Variants in TNC observed in about 807,000 individuals in gnomAD.
TNC encodes the protein tenascin.
TNC carries 109 observed loss-of-function variants against 202.4 expected under a neutral mutation model. The observed-to-expected ratio is 0.54, with a 90% confidence interval of 0.46 to 0.63. TNC has a LOEUF of 0.63. Among genes scored for constraint, TNC ranks in the 30% least tolerant of loss-of-function variants. The pLI is 0.00. For synonymous variants in TNC, 1,007 were observed against 1,089.7 expected (o/e 0.92, Z 1.50); for missense variants, 2,756 against 2,833.3 (o/e 0.97, Z 0.62).
chr9:115,090,198 A>G (rs1451368849), intron 2 of TNC, among the ~76,000 whole-genome samples: 1 of 152,156 alleles, frequency 6.6e-6, no homozygotes, highest in African/African-American at 2.4e-5. Context: ...TACCTATCAG[A>G]GAGTGCTCTC....
In TNC at chr9:115,086,292, C is replaced by T; in HGVS notation, c.1439G>A (p.Cys480Tyr). Residue 480 changes from cysteine to tyrosine, a missense_variant, in exon 3 of 28, where the codon TGT (cysteine) becomes TAT (tyrosine). Cys to Tyr is a radical substitution (Grantham distance 194). Coordinates refer to ENST00000350763, the MANE Select transcript of TNC (RefSeq NM_002160.4). ...CPNDCHQHGR[C>Y]VNGMCVCDDG... is the part of the protein sequence containing the mutation. Reference sequence around the variant, plus strand: ...ATCACAAACACACATGCCATTCACACAGCGGCCGTGCTGGTGACAGTCATT... The same window carrying T: ...ATCACAAACACACATGCCATTCACATAGCGGCCGTGCTGGTGACAGTCATT... The T allele has an allele frequency of 6.2e-7, 1 of 1,614,218 alleles. No homozygotes were observed. Among genetic ancestry groups the T allele is most frequent in the African/African-American group, 1.3e-5 (1 of 75,050 alleles).
At chr9:115,111,609 G>A (rs1417570377) in intron 1 of TNC, among the ~76,000 whole-genome samples, 2 of 151,558 alleles carry the variant, frequency 1.3e-5, no homozygotes, top group African/African-American at 4.8e-5. Flanking sequence ...CGGGGTTTCA[G>A]CATATTGGCC....
rs560876611 is a variant in TNC, at chr9:115,036,441, T to C, written c.5513-200A>G. Reference sequence around the variant, plus strand: ...CCTCATACGTAAAGGATTTCTCATATGGAGACTTAATTTTTCCAGGCCCCA... The same window carrying C: ...CCTCATACGTAAAGGATTTCTCATACGGAGACTTAATTTTTCCAGGCCCCA... On this transcript the variant is annotated intron_variant, in intron 20 of 27. Transcript: ENST00000350763. Among the ~76,000 whole-genome samples, 5 of 152,298 alleles carry C rather than the reference T, an allele frequency of 3.3e-5. No individual in the cohort carries two copies. In the East Asian group the frequency reaches 7.7e-4, roughly 24 times the overall value.
Position 115,024,042 on chromosome 9 carries a change from C to A in TNC, c.6426G>T (p.Gly2142=). 6.2e-7 allele frequency: 1 copy of A among 1,614,078 alleles called. No individual in the cohort carries two copies. The highest frequency in any genetic ancestry group is 2.2e-5 in the East Asian group (1 of 44,886). ...GGTGACAGTTCCTGTACCAGAAAGC[C>A]CCTTTGTAGGACAGAGCACAGTTGG... ...AITNCALSYK[G]AFWYRNCHRV... Residue 2142 remains glycine, a synonymous_variant, in exon 27 of 28, where the codon GGG becomes GGT. Coordinates refer to ENST00000350763, the MANE Select transcript of TNC (RefSeq NM_002160.4).
rs1485743580 is a variant in TNC at position 115,041,008 on chromosome 9, G to T, written c.5325C>A (p.Tyr1775Ter). ...CCTTCATGGCGATGATGCTGACAAGGTACTCCACGCCAGGTATGAGTTTCA... is the reference window on the plus strand; with the variant it reads ...CCTTCATGGCGATGATGCTGACAAGTTACTCCACGCCAGGTATGAGTTTCA... ...RLVKLIPGVEYLVSIIAMKGF... is the reference protein window; with the variant it reads ...RLVKLIPGVE Residue 1775 changes from tyrosine (Y) to a stop codon, truncating the protein, a stop_gained, in exon 19 of 28, where the codon TAC becomes TAA. Coordinates refer to ENST00000350763, the MANE Select transcript of TNC (RefSeq NM_002160.4). LOFTEE classifies it high-confidence loss of function. The T allele has an allele frequency of 6.2e-7, 1 of 1,613,886 alleles. No homozygotes were observed. The highest frequency in any genetic ancestry group is 8.5e-7 in the Non-Finnish European group (1 of 1,180,010).
chr9:115,090,932 G>A lies in TNC; in HGVS notation c.87C>T (p.Ile29=), dbSNP rs7038451. 661 of 1,614,152 alleles carry A rather than the reference G, an allele frequency of 4.1e-4. 5 individuals carry two copies. In the African/African-American group the frequency reaches 8.0e-3, roughly 20 times the overall value. Residue 29 remains isoleucine (I), a synonymous_variant, in exon 2 of 28, where the codon ATC becomes ATT. Transcript: ENST00000350763. Reference sequence around the variant, plus strand: ...TCACCCCACTCTGTCGCTTGTGCCGGATGACTTTCTTGAGGACCCCACCTT... The same window carrying A: ...TCACCCCACTCTGTCGCTTGTGCCGAATGACTTTCTTGAGGACCCCACCTT... ...ATEGGVLKKV[I]RHKRQSGVNA...
At chr9:115,069,713 T>TCCC (rs1833282734) in intron 10 of TNC, among the ~76,000 whole-genome samples, 1 of 7,086 alleles carries the variant, frequency 1.4e-4, no homozygotes, top group African/African-American at 7.7e-4. Context: ...CCTCCCTTCC[T>TCCC]TCCTTCCTTC....
At chr9:115,041,216 C>T in intron 18 of TNC, 132 bp from the exon 19 acceptor site, 1 of 1,050,134 alleles carries the variant, frequency 9.5e-7, no homozygotes, top group Non-Finnish European at 1.3e-6. Context: ...CTTGACTTCT[C>T]ATTTGCTCCT....
intron 17 of TNC, among the ~76,000 whole-genome samples, chr9:115,045,514 G>A (rs1016110834): frequency 3.3e-5 from 5 of 151,078 alleles, no homozygotes; most frequent in Non-Finnish European, 5.9e-5. Flanking sequence ...CTACGGGCAT[G>A]AGGCACCACA....
At chr9:115,054,271 C>G (rs1011419656) in intron 15 of TNC, among the ~76,000 whole-genome samples, 2 of 152,164 alleles carry the variant, frequency 1.3e-5, no homozygotes, top group African/African-American at 4.8e-5. Flanking sequence ...GTCATAAAAT[C>G]TCTAAGAACA....
At position 115,021,279 on chromosome 9, in the gene TNC, A is replaced by G; in HGVS notation, c.6496-12T>C. On this transcript the variant is annotated splice_polypyrimidine_tract_variant and intron_variant, in intron 27 of 27. Coordinates refer to ENST00000350763, the MANE Select transcript of TNC (RefSeq NM_002160.4). ...AACCAGTTAACGCCCTGTTAAAAAA[A>G]AAAAAGAGAGAGAGAGAGAGAGAGA... The G allele has an allele frequency of 1.2e-6, 2 of 1,601,376 alleles. No individual in the cohort carries two copies. The highest frequency in any genetic ancestry group is 1.7e-6 in the Non-Finnish European group (2 of 1,173,350).
Position 115,059,979 on chromosome 9 carries a change from A to T in TNC, c.4057T>A (p.Leu1353Ile). 4.3e-6 allele frequency: 7 copies of T among 1,613,758 alleles called. No homozygotes were observed. The highest frequency in any genetic ancestry group is 5.1e-6 in the Non-Finnish European group (6 of 1,179,788). ...VTEDLPQLGD[L>I]AVSEVGWDGL... ...TCCCAGCCAACCTCAGACACGGCTA[A>T]ATCTCCCAGCTGTGGGAGATCCTCT... The change falls in exon 14 of 28, where the codon TTA becomes ATA. Residue 1353 changes from leucine to isoleucine, a missense_variant. This residue lies in a region of TNC where 2,559 missense variants were observed against 2,546.0 expected (regional missense o/e 1.01). Transcript: ENST00000350763.
chr9:115,086,573 G>A lies in TNC; in HGVS notation c.1158C>T (p.Arg386=). The stretch of plus-strand genomic sequence containing the variant: ...CACACTCACACCGCCCGTCTACACA[G>A]CGGCCACGATTGTGACAGTCAGCAG... The part of the protein sequence containing the change: ...RCPADCHNRG[R]CVDGRCECDD... Residue 386 remains arginine, a synonymous_variant, in exon 3 of 28, where the codon CGC becomes CGT. Coordinates refer to ENST00000350763, the MANE Select transcript of TNC (RefSeq NM_002160.4). The A allele has an allele frequency of 6.2e-7, 1 of 1,614,078 alleles. No individual in the cohort carries two copies. Among genetic ancestry groups the A allele is most frequent in the Non-Finnish European group, 8.5e-7 (1 of 1,180,038 alleles).
intron 25 of TNC, among the ~76,000 whole-genome samples, chr9:115,028,924 G>GGAA (rs1829722208): frequency 1.6e-5 from 1 of 63,944 alleles, no homozygotes; most frequent in African/African-American, 6.4e-5. Flanking sequence ...CATTATCTCT[G>GGAA]AAAAAAAAAA....
At chr9:115,029,499 A>G (rs777653111) in intron 24 of TNC, 43 bp from the exon 25 acceptor site, 5 of 1,580,358 alleles carry the variant, frequency 3.2e-6, no homozygotes, top group Non-Finnish European at 3.5e-6. Flanking sequence ...AAGCTATTGC[A>G]GGAAAGAGGG....
At chr9:115,078,279 G>GTTACAAAGTCCTCTCTCT in intron 6 of TNC, 67 bp from the exon 7 acceptor site, 1 of 1,518,262 alleles carries the variant, frequency 6.6e-7, no homozygotes, top group Non-Finnish European at 8.9e-7. Context: ...AGCAGAGAGA[G>GTTACAAAGTCCTCTCTCT]GACTTTGTAA....
chr9:115,060,925 A>G (rs565651905), intron 13 of TNC, among the ~76,000 whole-genome samples: 45 of 152,356 alleles, frequency 3.0e-4, no homozygotes, highest in African/African-American at 1.0e-3. Context: ...AAAAGAAAGG[A>G]GATTTTTCTC....
chr9:115,038,481 C>G, intron 19 of TNC, 101 bp from the exon 20 acceptor site: 1 of 1,444,820 alleles, frequency 6.9e-7, no homozygotes, highest in Non-Finnish European at 9.3e-7. Flanking sequence ...GATGTTAGGA[C>G]AGTGTCAGCT....
At chr9:115,094,347 G>A (rs1012575565) in intron 1 of TNC, among the ~76,000 whole-genome samples, 2 of 152,096 alleles carry the variant, frequency 1.3e-5, no homozygotes, top group African/African-American at 4.8e-5. Flanking sequence ...AGAAATCACT[G>A]GTGGGTGAGG....
Sources: allele counts gnomAD v4.1 joint callset (sites outside exome capture counted in the v4.1 genomes callset), GRCh38; gene constraint gnomAD v4.1.1; regional missense constraint gnomAD v4.1.1; transcripts MANE v1.5; gene names NCBI Gene and HGNC (gene_info 2026-07-23, HGNC 2026-07-21).